The following ADGRF1 variants were observed in gnomAD, a reference collection of about 807,000 sequenced individuals.
The protein encoded by ADGRF1 is G protein-coupled receptor 110.
In ADGRF1, 85 loss-of-function variants were observed where a neutral mutation model predicts 87.2. The ratio of observed to expected loss-of-function variants is 0.97; its 90% CI spans 0.82 to 1.17. The LOEUF (loss-of-function observed/expected upper bound fraction) is 1.17, where lower values mean the gene tolerates loss of function less well. Ranked by LOEUF, ADGRF1 falls within the 50% of genes most tolerant of loss-of-function variation. The pLI, the probability that ADGRF1 is intolerant of heterozygous loss-of-function variation, is 0.00. For synonymous variants in ADGRF1, 430 were observed against 408.8 expected (o/e 1.05, Z -0.63); for missense variants, 1,169 against 1,077.2 (o/e 1.09, Z -1.19).
chr6:47,020,713 G>T lies in ADGRF1; in HGVS notation c.611+18C>A. 1 of 1,612,168 alleles carries T rather than the reference G, an allele frequency of 6.2e-7. No individual in the cohort carries two copies. Among genetic ancestry groups the T allele is most frequent in the Non-Finnish European group, 8.5e-7 (1 of 1,178,242 alleles). On this transcript the variant is annotated intron_variant, in intron 7 of 14. Transcript: ENST00000371253. ...CCCAATTCTGGGGATGCCCTTCTAA[G>T]ACCATTGTGTTACTTACCGAAATTG... is the stretch of plus-strand genomic sequence containing the variant.
chr6:47,020,929 G>C (rs1780028550), intron 6 of ADGRF1, 140 bp from the exon 7 acceptor site: 2 of 669,896 alleles, frequency 3.0e-6, no homozygotes, highest in Middle Eastern at 7.8e-4. Context: ...GGAAGTAATT[G>C]CATGTCATAC....
At position 47,030,050 on chromosome 6, in the gene ADGRF1, A is replaced by G. The variant is rs370882063; in HGVS notation, c.-43-946T>C. ...AATAAGTGTCCTTGCTTAGCAGTCC[A>G]GAGTACACAGAGTAGGGCTCTCCAT... is the stretch of plus-strand genomic sequence containing the variant. On this transcript the variant is annotated intron_variant, in intron 1 of 14. Coordinates refer to ENST00000371253, the MANE Select transcript of ADGRF1 (RefSeq NM_153840.4). Among the ~76,000 whole-genome samples the G allele has an allele frequency of 2.2e-3, 337 of 152,362 alleles. 6 individuals carry two copies. In the South Asian group the frequency reaches 0.024, roughly 11 times the overall value.
At chr6:47,031,487 C>T (rs1029932747) in intron 1 of ADGRF1, among the ~76,000 whole-genome samples, 18 of 152,222 alleles carry the variant, frequency 1.2e-4, no homozygotes, top group African/African-American at 4.3e-4. Flanking sequence ...AAAGCCTTCT[C>T]TCATAGACTC....
At chr6:47,026,483 C>T (rs543942233) in intron 3 of ADGRF1, among the ~76,000 whole-genome samples, 2 of 152,114 alleles carry the variant, frequency 1.3e-5, no homozygotes, top group South Asian at 2.1e-4. Context: ...TCGTTAGCTG[C>T]GTGTGGGTAT....
At chr6:47,038,180 A>C (rs1780644691) in intron 1 of ADGRF1, among the ~76,000 whole-genome samples, 1 of 152,176 alleles carries the variant, frequency 6.6e-6, no homozygotes, top group African/African-American at 2.4e-5. Context: ...GTTTTCTATA[A>C]AAAGATTGGA....
In ADGRF1 at chr6:47,002,089, C is replaced by CA. The variant is rs961281581; in HGVS notation, c.2593-523dup. On this transcript the variant is annotated intron_variant, in intron 13 of 14. Coordinates refer to ENST00000371253, the MANE Select transcript of ADGRF1 (RefSeq NM_153840.4). The stretch of plus-strand genomic sequence containing the variant: ...ATAAAATTAAATAAAATATTTGAAA[C>CA]AAAGAGCATGTACTTATCAGGAAAG... 4 of 152,974 alleles carry CA rather than the reference C, an allele frequency of 2.6e-5. No individual in the cohort carries two copies. The East Asian group carries it at 7.7e-4, about 29-fold the overall frequency. The allele number at this position is 152,974 out of a possible 1,614,324, so 9.5% of individuals were successfully genotyped here. A position where few individuals can be genotyped will look rare whatever the true frequency, so the allele number is the denominator to read the frequency against.
At chr6:47,010,541 C>A (rs1417943664) in intron 10 of ADGRF1, among the ~76,000 whole-genome samples, 1 of 152,202 alleles carries the variant, frequency 6.6e-6, no homozygotes, top group East Asian at 1.9e-4. Flanking sequence ...CCAGGGTGAT[C>A]ACCCCAGAGC....
intron 4 of ADGRF1, 114 bp downstream of exon 4, chr6:47,025,740 C>CT: frequency 1.0e-6 from 1 of 996,894 alleles, no homozygotes; most frequent in Non-Finnish European, 1.5e-6. Context: ...AGCATTTATT[C>CT]TTTTAAATCA....
At chr6:47,041,909 G>A (rs1410505981) in intron 1 of ADGRF1, among the ~76,000 whole-genome samples, 1 of 152,140 alleles carries the variant, frequency 6.6e-6, no homozygotes, top group African/African-American at 2.4e-5. Flanking sequence ...AGAACAATGG[G>A]GTTCCTGTGT....
At chr6:47,029,154 C>A in intron 1 of ADGRF1, 50 bp from the exon 2 acceptor site, 3 of 1,045,980 alleles carry the variant, frequency 2.9e-6, no homozygotes, top group South Asian at 2.6e-5. Context: ...ACAAGAAATT[C>A]AAGCCAAAAT....
At chr6:47,041,115 G>T (rs963279349) in intron 1 of ADGRF1, among the ~76,000 whole-genome samples, 1 of 152,070 alleles carries the variant, frequency 6.6e-6, no homozygotes, top group South Asian at 2.1e-4. Flanking sequence ...AAATAACCAG[G>T]ATAAGACAAC....
Position 47,012,091 on chromosome 6 carries a change from AT to A in ADGRF1, c.1031del (p.Asn344IlefsTer9). On this transcript the variant is annotated frameshift_variant, in exon 10 of 15. Coordinates refer to ENST00000371253, the MANE Select transcript of ADGRF1 (RefSeq NM_153840.4). LOFTEE classifies it high-confidence loss of function. ...TCAGAATCGACACCACCGAAGCCAG[AT>A]TCCCCACTGTGGTTGATGGGTTTTG... ...IRQNPSTTVG[N>X]LASVVSILSN... The A allele has an allele frequency of 6.2e-7, 1 of 1,614,182 alleles. No homozygotes were observed. The highest frequency in any genetic ancestry group is 8.5e-7 in the Non-Finnish European group (1 of 1,179,990).
intron 13 of ADGRF1, among the ~76,000 whole-genome samples, chr6:47,004,311 T>G (rs1779452655): frequency 6.6e-6 from 1 of 152,212 alleles, no homozygotes; most frequent in South Asian, 2.1e-4. Context: ...TAAATGCACA[T>G]ATTTTCTTCT....
chr6:47,020,336 T>G, intron 7 of ADGRF1: 1 of 911,266 alleles, frequency 1.1e-6, no homozygotes. Flanking sequence ...CTACTAAAAA[T>G]ACAAAAAAAG....
At chr6:47,033,454 C>T (rs796643884) in intron 1 of ADGRF1, among the ~76,000 whole-genome samples, 57 of 152,348 alleles carry the variant, frequency 3.7e-4, no homozygotes, top group African/African-American at 1.3e-3. Flanking sequence ...CTATACTTTC[C>T]AGCATTCTTG....
chr6:47,035,920 G>T (rs138145853), intron 1 of ADGRF1, among the ~76,000 whole-genome samples: 4 of 152,002 alleles, frequency 2.6e-5, no homozygotes, highest in Non-Finnish European at 4.4e-5. Flanking sequence ...GAGAGGGAGA[G>T]GGGGAGAGGG....
At chr6:47,000,354 C>A in intron 14 of ADGRF1, 59 bp from the exon 15 acceptor site, 3 of 1,285,810 alleles carry the variant, frequency 2.3e-6, no homozygotes, top group South Asian at 1.3e-5. Context: ...AAGCATGAGA[C>A]CAAAATGAAA....
At position 47,021,970 on chromosome 6, in the gene ADGRF1, T is replaced by C; in HGVS notation, c.540A>G (p.Gly180=). Residue 180 remains glycine (G), a synonymous_variant, in exon 6 of 15, where the codon GGA becomes GGG. Transcript: ENST00000371253. ...SSAIYSKYAN[G]IEIQLKKAYE... ...AGAAAGTGCTTACTTGAATTTCAAT[T>C]CCATTTGCATATTTGGAGTATATAG... is the stretch of plus-strand genomic sequence containing the variant. 6.4e-7 allele frequency: 1 copy of C among 1,566,940 alleles called. No individual in the cohort carries two copies. Among genetic ancestry groups the C allele is most frequent in the Non-Finnish European group, 8.7e-7 (1 of 1,146,304 alleles).
chr6:47,019,253 G>T (rs1779967411), intron 7 of ADGRF1: 1 of 935,500 alleles, frequency 1.1e-6, no homozygotes, highest in Non-Finnish European at 1.3e-6. Context: ...AATATTGAAA[G>T]TATGATCAAC....
Sources: allele counts gnomAD v4.1 joint callset (sites outside exome capture counted in the v4.1 genomes callset), GRCh38; gene constraint gnomAD v4.1.1; transcripts MANE v1.5; gene names NCBI Gene and HGNC (gene_info 2026-07-23, HGNC 2026-07-21).